The following ZGRF1 variants were observed in gnomAD, a reference collection of about 807,000 sequenced individuals.
The protein encoded by ZGRF1 is 5'-3' DNA helicase ZGRF1.
Under a neutral mutation model 203.5 loss-of-function variants are expected in ZGRF1, and 196 were observed. The observed-to-expected ratio is 0.96, with a 90% CI of 0.86 to 1.08. The LOEUF is 1.08. Ranked by LOEUF, ZGRF1 falls within the 50% of genes least tolerant of loss-of-function variation. The pLI is 0.00. For synonymous variants in ZGRF1, 809 were observed against 841.3 expected, an observed-to-expected ratio of 0.96 and a Z score of 0.66; for missense variants, 2,326 against 2,416.3, an observed-to-expected ratio of 0.96 and a Z score of 0.78.
chr4:112,553,891 CAT>C lies in ZGRF1; in HGVS notation c.5288_5289del (p.Tyr1763CysfsTer6), dbSNP rs1298838756. On this transcript the variant is annotated frameshift_variant, in exon 22 of 28. Coordinates refer to ENST00000505019, the MANE Select transcript of ZGRF1 (RefSeq NM_018392.5). LOFTEE classifies it high-confidence loss of function. ...TTATGCTGCTCAATGCTTTTTCTCA[CAT>C]AGACTCTTTCCGTAGGAGTCAGGTC... is the stretch of plus-strand genomic sequence containing the variant. ...KEDLTPTERV[Y>X]VRKSIEQHKL... 3.7e-6 allele frequency: 6 copies of C among 1,613,782 alleles called. No individual in the cohort carries two copies. The East Asian group carries it at 8.9e-5, about 24-fold the overall frequency.
chr4:112,609,182 T>C (rs548887219), intron 8 of ZGRF1, among the ~76,000 whole-genome samples, 197 bp downstream of exon 8: 5 of 151,698 alleles, frequency 3.3e-5, no homozygotes, highest in Admixed American at 2.0e-4. Context: ...GCCTCCCGAG[T>C]AGCCGGGACT....
At chr4:112,583,868 C>T in intron 15 of ZGRF1, 110 bp downstream of exon 15, 1 of 676,684 alleles carries the variant, frequency 1.5e-6, no homozygotes, top group Non-Finnish European at 2.4e-6. Context: ...GGTATTCCAT[C>T]TTTTAAATAG....
Position 112,540,082 on chromosome 4 carries a change from T to C in ZGRF1, c.5953A>G (p.Ile1985Val), listed in dbSNP as rs151284139. ...ACTGTGGACACCTGCACAGTTTTAA[T>C]ATCAGGATGGTGAAAGTCCACAGCA... ...LSAVDFHHPD[I>V]KTVQVSTVDA... Residue 1985 changes from isoleucine (I) to valine (V), a missense_variant, in exon 27 of 28, where the codon ATT becomes GTT. Physicochemically the swap from Ile to Val is conservative, Grantham distance 29 (BLOSUM62 3). Coordinates refer to ENST00000505019, the MANE Select transcript of ZGRF1 (RefSeq NM_018392.5). 5.0e-6 allele frequency: 8 copies of C among 1,596,320 alleles called. No individual in the cohort carries two copies. Among genetic ancestry groups the C allele is most frequent in the Non-Finnish European group, 6.0e-6 (7 of 1,169,920 alleles).
Position 112,618,353 on chromosome 4 carries a change from A to C in ZGRF1, c.1689T>G (p.Ile563Met), listed in dbSNP as rs748326354. 7.4e-6 allele frequency: 12 copies of C among 1,613,894 alleles called. No individual in the cohort carries two copies. The highest frequency in any genetic ancestry group is 1.0e-5 in the Non-Finnish European group (12 of 1,179,916). The part of the protein sequence containing the change: ...SQDSESWVKD[I>M]LVNDGNSCFQ... ...AACATGAATTGCCATCATTAACCAA[A>C]ATGTCCTTTACCCAACTCTCTGAAT... The change falls in exon 6 of 28, where the codon ATT becomes ATG. Residue 563 changes from isoleucine (I) to methionine (M), a missense_variant. Coordinates refer to ENST00000505019, the MANE Select transcript of ZGRF1 (RefSeq NM_018392.5).
intron 3 of ZGRF1, among the ~76,000 whole-genome samples, chr4:112,627,963 T>G (rs142853792): frequency 3.0e-4 from 45 of 152,334 alleles, no homozygotes; most frequent in Admixed American, 7.2e-4. Context: ...TTCATGTTGT[T>G]GGGACTAGGA....
At chr4:112,550,466 C>T (rs1739739627) in intron 22 of ZGRF1, among the ~76,000 whole-genome samples, 1 of 151,894 alleles carries the variant, frequency 6.6e-6, no homozygotes, top group Admixed American at 6.6e-5. Context: ...TTTATAAAGT[C>T]AAAATGTTAT....
chr4:112,547,694 G>A (rs1024761107), intron 23 of ZGRF1, among the ~76,000 whole-genome samples: 1 of 152,066 alleles, frequency 6.6e-6, no homozygotes, highest in East Asian at 1.9e-4. Context: ...GGGAAATGCT[G>A]GTTTTTAGAA....
chr4:112,565,877 C>G (rs933408889), intron 16 of ZGRF1, among the ~76,000 whole-genome samples: 7 of 152,134 alleles, frequency 4.6e-5, no homozygotes, highest in East Asian at 3.9e-4. Flanking sequence ...GGAGAAATAG[C>G]AACACTTTTA....
At chr4:112,580,773 A>G (rs1380273862) in intron 16 of ZGRF1, among the ~76,000 whole-genome samples, 2 of 152,184 alleles carry the variant, frequency 1.3e-5, no homozygotes, top group Non-Finnish European at 2.9e-5. Context: ...AAAAGTCAGG[A>G]AACAACAGGT....
intron 1 of ZGRF1, 120 bp from the exon 2 acceptor site, chr4:112,633,362 C>T (rs1367394677): frequency 1.7e-6 from 1 of 580,650 alleles, no homozygotes. Context: ...TACCTAACTA[C>T]CAAGGGAAAC....
chr4:112,554,611 C>T, intron 21 of ZGRF1, 94 bp downstream of exon 21: 2 of 667,502 alleles, frequency 3.0e-6, no homozygotes, highest in South Asian at 3.5e-5. Context: ...AGCCTTTCTC[C>T]ATTCTTCAAA....
chr4:112,572,457 T>G (rs758880191), intron 16 of ZGRF1, among the ~76,000 whole-genome samples: 1 of 151,998 alleles, frequency 6.6e-6, no homozygotes, highest in Non-Finnish European at 1.5e-5. Context: ...TTCTAGAACA[T>G]CAGAAAAACC....
Position 112,558,173 on chromosome 4 carries a change from C to T in ZGRF1, c.5097G>A (p.Val1699=). 2 of 1,607,186 alleles carry T rather than the reference C, an allele frequency of 1.2e-6. No individual in the cohort carries two copies. The highest frequency in any genetic ancestry group is 2.7e-5 in the African/African-American group (2 of 74,514). Residue 1699 remains valine, a synonymous_variant, in exon 20 of 28, where the codon GTG becomes GTA. Transcript: ENST00000505019. ...ACCCAAGAAGTACTCTGTCAACAGC[C>T]ACATTAGTAGAAGAAGAAATCAGAA... ...WKLLISSSTN[V]AVDRVLLGLL... is the part of the protein sequence containing the mutation.
intron 13 of ZGRF1, 43 bp from the exon 14 acceptor site, chr4:112,585,768 T>C: frequency 6.9e-7 from 1 of 1,453,568 alleles, no homozygotes; most frequent in Non-Finnish European, 9.2e-7. Context: ...AAATACAAAA[T>C]AATTTTGTTT....
intron 8 of ZGRF1, among the ~76,000 whole-genome samples, chr4:112,609,000 T>C (rs566188599): frequency 6.6e-6 from 1 of 152,152 alleles, no homozygotes; most frequent in Non-Finnish European, 1.5e-5. Context: ...CAAACTTAGA[T>C]GTATTTATTA....
intron 16 of ZGRF1, among the ~76,000 whole-genome samples, chr4:112,575,193 C>T (rs62316610): frequency 0.063 from 9,622 of 152,168 alleles, 458 homozygotes; most frequent in East Asian, 0.23. Context: ...TAAATCAGAG[C>T]ACAGTTGAAT....
In ZGRF1 at chr4:112,542,982, C is replaced by T. The variant is rs115555060; in HGVS notation, c.5599-1714G>A. Among the ~76,000 whole-genome samples the T allele has an allele frequency of 8.2e-3, 1,245 of 152,182 alleles. 16 individuals are homozygous for T. Among genetic ancestry groups the T allele is most frequent in the African/African-American group, 0.027 (1,119 of 41,496 alleles). ...GAGATTATAGATTATAGGCATGAGC[C>T]ATCACACCCAGCTTGCCTTTTCTCT... On this transcript the variant is annotated intron_variant, in intron 24 of 27. Coordinates refer to ENST00000505019, the MANE Select transcript of ZGRF1 (RefSeq NM_018392.5).
At chr4:112,626,066 C>T (rs1489512262) in intron 3 of ZGRF1, among the ~76,000 whole-genome samples, 1 of 151,962 alleles carries the variant, frequency 6.6e-6, no homozygotes, top group African/African-American at 2.4e-5. Context: ...AATCTAGAGA[C>T]AGTAAGTAGA....
At chr4:112,623,210 A>G (rs961608085) in intron 4 of ZGRF1, among the ~76,000 whole-genome samples, 2 of 152,178 alleles carry the variant, frequency 1.3e-5, no homozygotes, top group Non-Finnish European at 2.9e-5. Flanking sequence ...TGGCTGTATA[A>G]TATTTCATGG....
Sources: gnomAD v4.1 joint callset for allele counts (sites outside exome capture counted in the v4.1 genomes callset) on GRCh38, gnomAD v4.1.1 for gene constraint, MANE v1.5 for transcripts, NCBI Gene and HGNC (gene_info 2026-07-23, HGNC 2026-07-21) for gene names.